The following SLC5A1 variants were observed in gnomAD, a reference collection of about 807,000 sequenced individuals.
SLC5A1 encodes solute carrier family 5 member 1.
Under a neutral mutation model 73.5 loss-of-function variants are expected in SLC5A1, and 42 were observed. That is an observed-to-expected ratio of 0.57 (90% CI 0.45 to 0.74). The LOEUF is 0.74. SLC5A1 is among the 30% of genes least tolerant of loss of function. The pLI, the probability that SLC5A1 is intolerant of heterozygous loss-of-function variation, is 0.00. For missense variants in SLC5A1, 634 were observed against 855.4 expected, an observed-to-expected ratio of 0.74 and a Z score of 3.23; for synonymous variants, 300 against 317.4, an observed-to-expected ratio of 0.95 and a Z score of 0.58.
chr22:32,102,294 TA>T, intron 13 of SLC5A1, 57 bp downstream of exon 13: 1 of 1,327,870 alleles, frequency 7.5e-7, no homozygotes, highest in Non-Finnish European at 1.1e-6. Context: ...CAATGTTCTT[TA>T]ATTTTTTTTA....
At chr22:32,059,640 A>G (rs1025604150) in intron 2 of SLC5A1, among the ~76,000 whole-genome samples, 60 of 151,950 alleles carry the variant, frequency 3.9e-4, no homozygotes, top group African/African-American at 1.4e-3. Flanking sequence ...GAGTGCCTGT[A>G]ATTCCTCTTC....
At chr22:32,052,595 C>T (rs2149483957) in intron 2 of SLC5A1, among the ~76,000 whole-genome samples, 1 of 152,268 alleles carries the variant, frequency 6.6e-6, no homozygotes, top group Non-Finnish European at 1.5e-5. Flanking sequence ...CTGGGGGAAA[C>T]AATTCCTACC....
chr22:32,079,564 C>T (rs182959655), intron 5 of SLC5A1, among the ~76,000 whole-genome samples: 1 of 152,324 alleles, frequency 6.6e-6, no homozygotes, highest in East Asian at 1.9e-4. Context: ...TCTACGATGG[C>T]ATGTTGTCAT....
intron 5 of SLC5A1, among the ~76,000 whole-genome samples, chr22:32,069,914 A>G (rs1033969076): frequency 2.0e-5 from 3 of 152,194 alleles, no homozygotes; most frequent in Admixed American, 6.5e-5. Context: ...AGTAGAATCC[A>G]GGTCTCCGAT....
chr22:32,089,923 C>A (rs2094014253), intron 10 of SLC5A1, among the ~76,000 whole-genome samples: 1 of 152,058 alleles, frequency 6.6e-6, no homozygotes, highest in Non-Finnish European at 1.5e-5. Context: ...TATAGCCAAC[C>A]AGGCTTGCCA....
At chr22:32,082,120 A>G (rs1361496622) in intron 6 of SLC5A1, 149 bp downstream of exon 6, 2 of 690,056 alleles carry the variant, frequency 2.9e-6, no homozygotes, top group Admixed American at 4.1e-5. Context: ...GCTTAGTACC[A>G]ACTCATAGAC....
intron 1 of SLC5A1, among the ~76,000 whole-genome samples, chr22:32,046,412 A>G (rs955979970): frequency 4.0e-5 from 6 of 148,936 alleles, no homozygotes; most frequent in Admixed American, 4.0e-4. Flanking sequence ...AGATCATTTG[A>G]CAAAATCACC....
chr22:32,062,016 TA>T (rs2093963943), intron 2 of SLC5A1, among the ~76,000 whole-genome samples: 1 of 152,154 alleles, frequency 6.6e-6, no homozygotes, highest in Non-Finnish European at 1.5e-5. Flanking sequence ...TGTCCTCAGA[TA>T]TTGGAAGGGC....
At chr22:32,047,475 G>C (rs1330195864) in intron 1 of SLC5A1, among the ~76,000 whole-genome samples, 1 of 150,578 alleles carries the variant, frequency 6.6e-6, no homozygotes. Context: ...TTTCTGTTTT[G>C]GCCCTTAGCT....
rs973611569 is a variant in SLC5A1, at chr22:32,069,272, G to A, written c.477+672G>A. Among the ~76,000 whole-genome samples, 7 of 152,168 alleles carry A rather than the reference G, an allele frequency of 4.6e-5. No individual in the cohort carries two copies. In the South Asian group the frequency reaches 8.3e-4, roughly 18 times the overall value. On this transcript the variant is annotated intron_variant, in intron 5 of 14. Coordinates refer to ENST00000266088, the MANE Select transcript of SLC5A1 (RefSeq NM_000343.4). ...TGGTTACCAGGGTCTGGGGGTGAGC[G>A]GGTGGGGAGTTGGGGAGATATTGGT...
chr22:32,047,487 C>A (rs2093938697), intron 1 of SLC5A1, among the ~76,000 whole-genome samples: 1 of 152,114 alleles, frequency 6.6e-6, no homozygotes, highest in South Asian at 2.1e-4. Context: ...CCCTTAGCTA[C>A]CTTTTCTGAT....
Position 32,110,567 on chromosome 22 carries a change from T to C in SLC5A1, c.*354T>C. The C allele has an allele frequency of 2.9e-6, 1 of 340,810 alleles. No individual in the cohort carries two copies. The highest frequency in any genetic ancestry group is 5.6e-6 in the Non-Finnish European group (1 of 178,342). The allele number at this position is 340,810 out of a possible 1,614,324, so 21.1% of individuals were successfully genotyped here. ...AGTGTGGTTTATAATCCTTGAATAT[T>C]GTTTTAGAAACTTTGGTCTCCCTGG... On this transcript the variant is annotated 3_prime_UTR_variant, in exon 15 of 15. Coordinates refer to ENST00000266088, the MANE Select transcript of SLC5A1 (RefSeq NM_000343.4).
chr22:32,067,897 G>A, intron 3 of SLC5A1, 70 bp from the exon 4 acceptor site: 1 of 1,489,998 alleles, frequency 6.7e-7, no homozygotes, highest in Non-Finnish European at 9.4e-7. Context: ...AGCAGCTGAG[G>A]GGCCCTTCAG....
intron 2 of SLC5A1, among the ~76,000 whole-genome samples, chr22:32,052,315 C>G (rs1433015289): frequency 6.6e-6 from 1 of 152,164 alleles, no homozygotes; most frequent in Non-Finnish European, 1.5e-5. Context: ...AGGACAGGTT[C>G]TCAAACTTTT....
intron 6 of SLC5A1, among the ~76,000 whole-genome samples, chr22:32,082,766 G>A (rs2094002005): frequency 6.6e-6 from 1 of 152,152 alleles, no homozygotes; most frequent in Admixed American, 6.5e-5. Context: ...TGTGGAAGAC[G>A]CTTCTTCTTA....
chr22:32,077,729 T>TA (rs1394769564), intron 5 of SLC5A1, among the ~76,000 whole-genome samples: 2 of 152,238 alleles, frequency 1.3e-5, no homozygotes, highest in African/African-American at 4.8e-5. Context: ...GACCTATTTA[T>TA]ACCCTTTTCT....
At chr22:32,079,481 AT>A (rs1407035214) in intron 5 of SLC5A1, among the ~76,000 whole-genome samples, 1 of 152,194 alleles carries the variant, frequency 6.6e-6, no homozygotes, top group East Asian at 1.9e-4. Flanking sequence ...CATTTATAGC[AT>A]TATCTTATAA....
At chr22:32,077,246 T>C (rs1410309102) in intron 5 of SLC5A1, among the ~76,000 whole-genome samples, 32 of 142,644 alleles carry the variant, frequency 2.2e-4, no homozygotes, top group Non-Finnish European at 2.3e-4. Context: ...CTCCCTCCCT[T>C]CCTTCACTCC....
At chr22:32,059,188 G>A in intron 2 of SLC5A1, 1 of 985,030 alleles carries the variant, frequency 1.0e-6, no homozygotes, top group Non-Finnish European at 1.2e-6. Context: ...CCGAGATCAT[G>A]CCACTGCACT....
Sources: gnomAD v4.1 joint callset for allele counts (sites outside exome capture counted in the v4.1 genomes callset) on GRCh38, gnomAD v4.1.1 for gene constraint, MANE v1.5 for transcripts, NCBI Gene and HGNC (gene_info 2026-07-23, HGNC 2026-07-21) for gene names.